Variants in FAM13A observed in about 807,000 individuals in gnomAD.
FAM13A encodes the protein protein FAM13A.
Under a neutral mutation model 129.6 loss-of-function variants are expected in FAM13A, and 76 were observed. The ratio of observed to expected loss-of-function variants is 0.59; its 90% CI spans 0.49 to 0.71. The LOEUF (loss-of-function observed/expected upper bound fraction) is 0.71, where lower values mean the gene tolerates loss of function less well. Ranked by LOEUF, FAM13A falls within the 30% of genes least tolerant of loss-of-function variation. The pLI is 0.00. For synonymous variants in FAM13A, 443 were observed against 449.9 expected, an observed-to-expected ratio of 0.98 and a Z score of 0.20; for missense variants, 1,108 against 1,249.3, an observed-to-expected ratio of 0.89 and a Z score of 1.70.
At chr4:88,957,874 T>C (rs977968378) in intron 4 of FAM13A, among the ~76,000 whole-genome samples, 4 of 152,158 alleles carry the variant, frequency 2.6e-5, no homozygotes, top group African/African-American at 9.7e-5. Flanking sequence ...TTTGTGGAAG[T>C]TTGAACTTTA....
At chr4:88,837,165 T>C (rs1384437181) in intron 7 of FAM13A, among the ~76,000 whole-genome samples, 1 of 150,582 alleles carries the variant, frequency 6.6e-6, no homozygotes, top group African/African-American at 2.4e-5. Flanking sequence ...TGGCTAATTT[T>C]GTATTTTTAG....
chr4:88,928,621 T>C (rs2704588), intron 5 of FAM13A, among the ~76,000 whole-genome samples: 28,352 of 152,056 alleles, frequency 0.19, 2,820 homozygotes, highest in Non-Finnish European at 0.21. Context: ...TAGCTACTCC[T>C]GCTTGGTTTT....
chr4:88,825,732 T>C (rs1732880782), intron 7 of FAM13A, among the ~76,000 whole-genome samples: 1 of 152,182 alleles, frequency 6.6e-6, no homozygotes, highest in Non-Finnish European at 1.5e-5. Flanking sequence ...TGAATTGCAA[T>C]TTACATTTAA....
chr4:88,966,696 T>G (rs1343770086), intron 4 of FAM13A, among the ~76,000 whole-genome samples: 1 of 152,204 alleles, frequency 6.6e-6, no homozygotes, highest in African/African-American at 2.4e-5. Context: ...AATAGTTCTA[T>G]TCTATGTTAA....
At chr4:88,837,558 A>C (rs959291541) in intron 7 of FAM13A, among the ~76,000 whole-genome samples, 8 of 151,608 alleles carry the variant, frequency 5.3e-5, no homozygotes, top group African/African-American at 9.7e-5. Flanking sequence ...TGTACTAAAA[A>C]TACAAAAAAA....
At chr4:88,905,367 T>C (rs1331182766) in intron 6 of FAM13A, among the ~76,000 whole-genome samples, 1 of 152,052 alleles carries the variant, frequency 6.6e-6, no homozygotes, top group Non-Finnish European at 1.5e-5. Flanking sequence ...TTTTCTTTCT[T>C]AATAGTGAAC....
chr4:89,006,584 A>G (rs1765055584), intron 3 of FAM13A, among the ~76,000 whole-genome samples: 1 of 152,194 alleles, frequency 6.6e-6, no homozygotes, highest in Admixed American at 6.5e-5. Flanking sequence ...GTATGTTACA[A>G]TTAATGGTCT....
chr4:89,043,856 G>A (rs534965565), intron 1 of FAM13A, among the ~76,000 whole-genome samples: 45 of 152,264 alleles, frequency 3.0e-4, no homozygotes, highest in African/African-American at 9.9e-4. Context: ...AGGATTGCTT[G>A]AGTCCAGAAG....
chr4:88,903,036 C>G (rs1747539454), intron 6 of FAM13A, among the ~76,000 whole-genome samples: 1 of 152,070 alleles, frequency 6.6e-6, no homozygotes, highest in South Asian at 2.1e-4. Context: ...GCTAGAAATA[C>G]AGCTAACAAG....
In FAM13A at chr4:88,870,121, T is replaced by TAA. The variant is rs34310867; in HGVS notation, c.844-18940_844-18939dup. Among the ~76,000 whole-genome samples, 1,265 of 146,944 alleles carry TAA rather than the reference T, an allele frequency of 8.6e-3. 16 individuals are homozygous for TAA. Among genetic ancestry groups the TAA allele is most frequent in the South Asian group, 0.029 (135 of 4,646 alleles). On this transcript the variant is annotated intron_variant, in intron 6 of 23. Coordinates refer to ENST00000264344, the MANE Select transcript of FAM13A (RefSeq NM_014883.4). ...TTAAAGTAACTAAACATTTCTGTTG[T>TAA]AAAAAAAAAAAAAATGAACAGCAAT...
chr4:88,999,764 T>C (rs1330975355), intron 3 of FAM13A, among the ~76,000 whole-genome samples: 1 of 152,174 alleles, frequency 6.6e-6, no homozygotes, highest in African/African-American at 2.4e-5. Flanking sequence ...TTGTAAAAGG[T>C]TGATTATTTC....
intron 6 of FAM13A, among the ~76,000 whole-genome samples, chr4:88,865,704 C>G (rs553297126): frequency 1.1e-4 from 17 of 152,292 alleles, no homozygotes; most frequent in African/African-American, 3.8e-4. Flanking sequence ...CTCAGCTCTG[C>G]CGTGGACAGC....
chr4:88,930,472 T>C (rs898301097), intron 5 of FAM13A, among the ~76,000 whole-genome samples: 1 of 152,158 alleles, frequency 6.6e-6, no homozygotes, highest in Admixed American at 6.5e-5. Context: ...GTGGTATCTG[T>C]GATTTCCTAG....
chr4:88,946,431 C>T (rs1294298203), intron 4 of FAM13A, among the ~76,000 whole-genome samples: 2 of 119,010 alleles, frequency 1.7e-5, no homozygotes, highest in African/African-American at 6.6e-5. Context: ...TTTGGTGACA[C>T]CAAAAACTTC....
chr4:88,903,254 T>C (rs552696457), intron 6 of FAM13A, among the ~76,000 whole-genome samples: 2 of 152,090 alleles, frequency 1.3e-5, no homozygotes, highest in African/African-American at 4.8e-5. Flanking sequence ...AAAACAACTA[T>C]TGTAAAATTC....
chr4:88,975,263 G>A (rs1225388286), intron 4 of FAM13A, among the ~76,000 whole-genome samples: 1 of 152,002 alleles, frequency 6.6e-6, no homozygotes, highest in African/African-American at 2.4e-5. Flanking sequence ...TAGTAACCTT[G>A]TCGGAGAAAA....
In FAM13A at chr4:89,050,186, C is replaced by G. The variant is rs10029968; in HGVS notation, c.27+6752G>C. ...GGTATGGAAGTCTCCAAACAAAACT[C>G]ATGTCCTTTCTTTCCTCTTCTCTTT... is the stretch of plus-strand genomic sequence containing the variant. On this transcript the variant is annotated intron_variant, in intron 1 of 23. Transcript: ENST00000264344. Among the ~76,000 whole-genome samples the G allele has an allele frequency of 1.6e-3, 236 of 152,120 alleles. 2 individuals are homozygous for G. The highest frequency in any genetic ancestry group is 5.6e-3 in the African/African-American group (233 of 41,514).
intron 21 of FAM13A, among the ~76,000 whole-genome samples, chr4:88,732,738 G>A (rs1738113230): frequency 6.6e-6 from 1 of 151,430 alleles, no homozygotes; most frequent in Non-Finnish European, 1.5e-5. Flanking sequence ...AAAATTTTAG[G>A]GAAATTTTAA....
At chr4:88,867,868 A>G (rs898484955) in intron 6 of FAM13A, among the ~76,000 whole-genome samples, 7 of 152,238 alleles carry the variant, frequency 4.6e-5, no homozygotes, top group Non-Finnish European at 8.8e-5. Context: ...TAACAACAAC[A>G]GTTAATTGAA....
Sources: allele counts gnomAD v4.1 joint callset (sites outside exome capture counted in the v4.1 genomes callset), GRCh38; gene constraint gnomAD v4.1.1; transcripts MANE v1.5; gene names NCBI Gene and HGNC (gene_info 2026-07-23, HGNC 2026-07-21).